The following CARM1 variants were observed in gnomAD, a reference collection of about 807,000 sequenced individuals.
The protein encoded by CARM1 is histone-arginine methyltransferase CARM1.
A neutral mutation model predicts 72.7 loss-of-function variants in CARM1; 14 were observed. The observed-to-expected ratio is 0.19, with a 90% CI of 0.13 to 0.30. The LOEUF (loss-of-function observed/expected upper bound fraction) is 0.30, where lower values mean the gene tolerates loss of function less well. Among genes scored for constraint, CARM1 ranks in the 10% least tolerant of loss-of-function variants. The pLI is 1.00. For missense variants in CARM1, 432 were observed against 833.7 expected (o/e 0.52, Z 5.93); for synonymous variants, 333 against 345.5 (o/e 0.96, Z 0.40).
rs909244932 is a variant in CARM1, at chr19:10,921,698, G to A, written c.1768G>A (p.Ala590Thr). Residue 590 changes from alanine (A) to threonine (T), a missense_variant, in exon 16 of 16, where the codon GCC (alanine) becomes ACC (threonine). Coordinates refer to ENST00000327064, the MANE Select transcript of CARM1 (RefSeq NM_199141.2). ...VNSQFTMGGP[A>T]ISMASPMSIP... ...CAGCCAGTTCACCATGGGCGGCCCC[G>A]CCATCTCCATGGCGTCGCCCATGTC... 1.2e-6 allele frequency: 2 copies of A among 1,613,536 alleles called. No homozygotes were observed. The highest frequency in any genetic ancestry group is 1.7e-6 in the Non-Finnish European group (2 of 1,179,820).
intron 1 of CARM1, among the ~76,000 whole-genome samples, chr19:10,875,457 C>G (rs956134691): frequency 6.6e-6 from 1 of 151,656 alleles, no homozygotes; most frequent in African/African-American, 2.4e-5. Context: ...CGGAGTCTGG[C>G]TCTGTCACCC....
intron 1 of CARM1, among the ~76,000 whole-genome samples, chr19:10,875,017 C>T (rs1205146222): frequency 2.0e-5 from 3 of 149,726 alleles, no homozygotes; most frequent in Admixed American, 1.3e-4. Context: ...GAGCAAGACC[C>T]TGTCTGAAAA....
chr19:10,902,895 T>G (rs1466162524), intron 1 of CARM1, among the ~76,000 whole-genome samples: 4 of 152,202 alleles, frequency 2.6e-5, no homozygotes, highest in African/African-American at 9.6e-5. Flanking sequence ...TCAGCCACCA[T>G]GCCTGACCCT....
Position 10,915,573 on chromosome 19 carries a change from G to A in CARM1, c.848-834G>A, listed in dbSNP as rs527311689. Among the ~76,000 whole-genome samples the A allele has an allele frequency of 3.9e-5, 6 of 152,104 alleles. No individual in the cohort carries two copies. The highest frequency in any genetic ancestry group is 9.7e-5 in the African/African-American group (4 of 41,432). ...CCCCAGGTCCCCCAGGGCAGAAGCC[G>A]CAGCATGTGCATCTCCCTCCCCGTT... On this transcript the variant is annotated intron_variant, in intron 6 of 15. Coordinates refer to ENST00000327064, the MANE Select transcript of CARM1 (RefSeq NM_199141.2). This position sits in a 1 kb window ranked among gnomAD's most constrained non-coding sequence, Gnocchi z 4.6.
intron 1 of CARM1, among the ~76,000 whole-genome samples, chr19:10,894,158 G>A (rs2074007460): frequency 6.6e-6 from 1 of 152,092 alleles, no homozygotes; most frequent in South Asian, 2.1e-4. Flanking sequence ...ATCAGCTTCC[G>A]TGCTTTCCCT....
At chr19:10,891,725 T>G (rs1282687455) in intron 1 of CARM1, among the ~76,000 whole-genome samples, 1 of 152,222 alleles carries the variant, frequency 6.6e-6, no homozygotes, top group East Asian at 1.9e-4. Flanking sequence ...TGTCTGGCTA[T>G]CTTTCATGTA....
rs111550589 is a variant in CARM1 at position 10,875,023 on chromosome 19, G to GA, written c.220+3116dup. On this transcript the variant is annotated intron_variant, in intron 1 of 15. Coordinates refer to ENST00000327064, the MANE Select transcript of CARM1 (RefSeq NM_199141.2). ...TGGGTGACAGAGCAAGACCCTGTCT[G>GA]AAAAAAAAAAAAAAAGCATGGGTTC... Among the ~76,000 whole-genome samples the GA allele has an allele frequency of 4.7e-3, 598 of 127,826 alleles. 1 individual carries two copies. The highest frequency in any genetic ancestry group is 0.012 in the African/African-American group (402 of 34,550). The allele number at this position is 127,826 out of a possible 152,430, so 83.9% of individuals were successfully genotyped here.
chr19:10,903,556 C>G (rs1324204098), intron 1 of CARM1, among the ~76,000 whole-genome samples: 1 of 151,488 alleles, frequency 6.6e-6, no homozygotes, highest in African/African-American at 2.4e-5. Context: ...TCACATTTCC[C>G]TAGTTGTCTT....
chr19:10,921,691 C>A lies in CARM1; in HGVS notation c.1761C>A (p.Gly587=). 6.2e-7 allele frequency: 1 copy of A among 1,613,600 alleles called. No homozygotes were observed. Among genetic ancestry groups the A allele is most frequent in the East Asian group, 2.2e-5 (1 of 44,872 alleles). Residue 587 remains glycine (G), a synonymous_variant, in exon 16 of 16, where the codon GGC becomes GGA. Transcript: ENST00000327064. ...CAGTCAACAGCCAGTTCACCATGGG[C>A]GGCCCCGCCATCTCCATGGCGTCGC... is the stretch of plus-strand genomic sequence containing the variant. The part of the protein sequence containing the change: ...HYAVNSQFTM[G]GPAISMASPM...
chr19:10,877,183 T>C (rs1163257840), intron 1 of CARM1, among the ~76,000 whole-genome samples: 1 of 152,046 alleles, frequency 6.6e-6, no homozygotes, highest in East Asian at 1.9e-4. Flanking sequence ...CTTTAGGACA[T>C]CTCGGTGTCA....
At chr19:10,881,778 G>A (rs2073903952) in intron 1 of CARM1, among the ~76,000 whole-genome samples, 1 of 152,118 alleles carries the variant, frequency 6.6e-6, no homozygotes, top group Non-Finnish European at 1.5e-5. Context: ...TCTCCATAGT[G>A]CGGTAGCTCC....
chr19:10,906,943 G>C (rs1197541224), intron 2 of CARM1, among the ~76,000 whole-genome samples: 2 of 143,932 alleles, frequency 1.4e-5, no homozygotes, highest in Non-Finnish European at 3.0e-5. Flanking sequence ...GTCTCACTCT[G>C]TTGCCCAGGC....
chr19:10,906,679 G>A (rs956578430), intron 2 of CARM1, among the ~76,000 whole-genome samples: 6 of 152,020 alleles, frequency 3.9e-5, no homozygotes, highest in African/African-American at 9.7e-5. Flanking sequence ...TGGCCAGGCT[G>A]GTCTTGAACT....
At chr19:10,903,119 A>G (rs1478712978) in intron 1 of CARM1, among the ~76,000 whole-genome samples, 8 of 152,206 alleles carry the variant, frequency 5.3e-5, no homozygotes, top group African/African-American at 7.2e-5. Flanking sequence ...TGAAGACACT[A>G]TTCTTTCCCC....
chr19:10,895,553 C>T (rs1481435283), intron 1 of CARM1, among the ~76,000 whole-genome samples: 3 of 152,252 alleles, frequency 2.0e-5, no homozygotes, highest in East Asian at 3.8e-4. Context: ...TGTGTGGCCA[C>T]CTGATGCTAA....
chr19:10,904,668 C>G lies in CARM1; in HGVS notation c.221-283C>G, dbSNP rs566728599. Among the ~76,000 whole-genome samples, 5 of 152,368 alleles carry G rather than the reference C, an allele frequency of 3.3e-5. No homozygotes were observed. In the East Asian group the frequency reaches 9.6e-4, roughly 29 times the overall value. ...GAGTTCCTGTGGGCCAGCACCATGCCTTGTGGCCCTGTCTGCCCACCTCAG... is the reference window on the plus strand; with the variant it reads ...GAGTTCCTGTGGGCCAGCACCATGCGTTGTGGCCCTGTCTGCCCACCTCAG... On this transcript the variant is annotated intron_variant, in intron 1 of 15. Transcript: ENST00000327064.
Position 10,916,884 on chromosome 19 carries a change from T to C in CARM1, c.1020+107T>C. 3 of 783,938 alleles carry C rather than the reference T, an allele frequency of 3.8e-6. No homozygotes were observed. The highest frequency in any genetic ancestry group is 6.1e-6 in the Non-Finnish European group (3 of 488,500). 48.6% of individuals were successfully genotyped at this position (783,938 alleles called of 1,614,324 possible). A position where few individuals can be genotyped will look rare whatever the true frequency, so the allele number is the denominator to read the frequency against. On this transcript the variant is annotated intron_variant, in intron 8 of 15. Transcript: ENST00000327064. This position sits in a 1 kb window ranked among gnomAD's most constrained non-coding sequence, Gnocchi z 4.4. Reference sequence around the variant, plus strand: ...CCTCTCTGAGCCCTCTCCTCTGCCCTGCACAGCGCTCTCACAGAGATTTGG... The same window carrying C: ...CCTCTCTGAGCCCTCTCCTCTGCCCCGCACAGCGCTCTCACAGAGATTTGG...
rs201617757 is a variant in CARM1 at position 10,875,878 on chromosome 19, CT to C, written c.220+3970del. Reference sequence around the variant, plus strand: ...CAGGGGTTACAACTTGGATGTCTGTCTTTTTTTTTTTTTTGAGATGGAATTT... The same window carrying C: ...CAGGGGTTACAACTTGGATGTCTGTCTTTTTTTTTTTTTGAGATGGAATTT... On this transcript the variant is annotated intron_variant, in intron 1 of 15. Transcript: ENST00000327064. Among the ~76,000 whole-genome samples, 332 of 139,926 alleles carry C rather than the reference CT, an allele frequency of 2.4e-3. 1 individual carries two copies. The highest frequency in any genetic ancestry group is 2.8e-3 in the Admixed American group (39 of 13,876). The allele number at this position is 139,926 out of a possible 152,430, so 91.8% of individuals were successfully genotyped here. A position where few individuals can be genotyped will look rare whatever the true frequency, so the allele number is the denominator to read the frequency against.
intron 1 of CARM1, among the ~76,000 whole-genome samples, chr19:10,898,677 C>T (rs1383732790): frequency 6.6e-6 from 1 of 152,230 alleles, no homozygotes; most frequent in Non-Finnish European, 1.5e-5. Context: ...AGCACTGAAT[C>T]GCCACTGCTG....
Sources: gnomAD v4.1 joint callset for allele counts (sites outside exome capture counted in the v4.1 genomes callset) on GRCh38, gnomAD v4.1.1 for gene constraint, Gnocchi (gnomAD v3.1) non-coding constraint, MANE v1.5 for transcripts, NCBI Gene and HGNC (gene_info 2026-07-23, HGNC 2026-07-21) for gene names.